The following ROR2 variants were observed in gnomAD, a reference collection of about 807,000 sequenced individuals.
ROR2 encodes ROR family WNT receptor 2.
Under a neutral mutation model 74.9 loss-of-function variants are expected in ROR2, and 33 were observed. The ratio of observed to expected loss-of-function variants is 0.44; its 90% CI spans 0.33 to 0.59. The LOEUF (loss-of-function observed/expected upper bound fraction) is 0.59, where lower values mean the gene tolerates loss of function less well. ROR2 is among the 20% of genes least tolerant of loss of function. The probability of loss-of-function intolerance (pLI) is 0.02; values close to 1 mark genes in which losing one functional copy is unlikely to be tolerated. For missense variants in ROR2, 1,216 were observed against 1,313.8 expected (o/e 0.93, Z 1.15); for synonymous variants, 586 against 558.7 (o/e 1.05, Z -0.69).
At chr9:91,878,815 C>T (rs1462571090) in intron 1 of ROR2, among the ~76,000 whole-genome samples, 2 of 152,334 alleles carry the variant, frequency 1.3e-5, no homozygotes, top group East Asian at 3.9e-4. Context: ...CAGTGGCTCA[C>T]GCCTGTAATC....
chr9:91,726,955 C>T (rs1012504184), intron 7 of ROR2, among the ~76,000 whole-genome samples: 1 of 152,130 alleles, frequency 6.6e-6, no homozygotes, highest in Non-Finnish European at 1.5e-5. Flanking sequence ...GAAACAAAAC[C>T]CAAAACTGCC....
intron 1 of ROR2, among the ~76,000 whole-genome samples, chr9:91,799,747 T>C (rs1827311285): frequency 1.3e-5 from 2 of 152,184 alleles, no homozygotes; most frequent in Non-Finnish European, 2.9e-5. Context: ...TTTTTCTCCA[T>C]CTCTCCCCTT....
chr9:91,804,289 C>CAAAT (rs1275343427), intron 1 of ROR2, among the ~76,000 whole-genome samples: 1 of 152,178 alleles, frequency 6.6e-6, no homozygotes, highest in Non-Finnish European at 1.5e-5. Flanking sequence ...CTCCTGTGTT[C>CAAAT]CAGCAACCCT....
rs1331743009 is a variant in ROR2, at chr9:91,725,072, C to T, written c.1422G>A (p.Arg474=). 6.2e-7 allele frequency: 1 copy of T among 1,613,960 alleles called. No homozygotes were observed. The highest frequency in any genetic ancestry group is 1.3e-5 in the African/African-American group (1 of 74,944). The part of the protein sequence containing the change: ...KLKEISLSAV[R]FMEELGEDRF... ...GGTCCTCTCCCAGCTCCTCCATGAACCTCACCGCAGACAGGCTGATCTCTT... is the reference window on the plus strand; with the variant it reads ...GGTCCTCTCCCAGCTCCTCCATGAATCTCACCGCAGACAGGCTGATCTCTT... Residue 474 remains arginine, a synonymous_variant, in exon 9 of 9, where the codon AGG becomes AGA. Transcript: ENST00000375708.
intron 1 of ROR2, among the ~76,000 whole-genome samples, chr9:91,809,371 AG>A (rs1827671915): frequency 6.6e-6 from 1 of 152,258 alleles, no homozygotes; most frequent in African/African-American, 2.4e-5. Context: ...TGAACCCACC[AG>A]GAACAGTGGG....
At chr9:91,946,396 C>T (rs1194094052) in intron 1 of ROR2, among the ~76,000 whole-genome samples, 1 of 152,190 alleles carries the variant, frequency 6.6e-6, no homozygotes, top group Non-Finnish European at 1.5e-5. Flanking sequence ...CAAGGTAAAC[C>T]CAAAATTGGG....
At chr9:91,785,542 T>C (rs1372834338) in intron 1 of ROR2, among the ~76,000 whole-genome samples, 2 of 152,258 alleles carry the variant, frequency 1.3e-5, no homozygotes, top group African/African-American at 4.8e-5. Flanking sequence ...GAAAAATATC[T>C]GATGAGTAAA....
At chr9:91,745,468 G>T (rs1401811731) in intron 4 of ROR2, among the ~76,000 whole-genome samples, 2 of 107,362 alleles carry the variant, frequency 1.9e-5, no homozygotes, top group Non-Finnish European at 3.4e-5. Flanking sequence ...TTTGCTCGTT[G>T]CCTAGGCTGG....
chr9:91,725,601 T>TA (rs1292209127), intron 8 of ROR2, among the ~76,000 whole-genome samples: 2 of 152,192 alleles, frequency 1.3e-5, no homozygotes, highest in Non-Finnish European at 2.9e-5. Flanking sequence ...TTTTGTCACT[T>TA]ATAAGAGTCC....
intron 4 of ROR2, 84 bp downstream of exon 4, chr9:91,755,987 G>A: frequency 1.4e-6 from 2 of 1,455,364 alleles, no homozygotes; most frequent in Non-Finnish European, 9.7e-7. Flanking sequence ...AAAGACATGA[G>A]CTGGCAGGAT....
Position 91,733,558 on chromosome 9 carries a change from GC to G in ROR2, c.623-123del. On this transcript the variant is annotated intron_variant, in intron 5 of 8. Transcript: ENST00000375708. The surrounding 1 kb of genome is among the most constrained non-coding windows in gnomAD (Gnocchi z 5.7). Reference sequence around the variant, plus strand: ...ACTCAGCCCCCTGATGCCCCGCCCCGCCCCAGACTCCCCAACCCCGAGCCCC... The same window carrying G: ...ACTCAGCCCCCTGATGCCCCGCCCCGCCCAGACTCCCCAACCCCGAGCCCC... 1 of 955,726 alleles carries G rather than the reference GC, an allele frequency of 1.0e-6. No homozygotes were observed. The highest frequency in any genetic ancestry group is 1.6e-5 in the South Asian group (1 of 61,558). The allele number at this position is 955,726 out of a possible 1,614,324, so 59.2% of individuals were successfully genotyped here. A position where few individuals can be genotyped will look rare whatever the true frequency, so the allele number is the denominator to read the frequency against.
At chr9:91,922,506 T>C (rs1236539686) in intron 1 of ROR2, among the ~76,000 whole-genome samples, 1 of 151,864 alleles carries the variant, frequency 6.6e-6, no homozygotes, top group Non-Finnish European at 1.5e-5. Flanking sequence ...CAGGCTGGAG[T>C]GCAGTGGCAT....
intron 1 of ROR2, among the ~76,000 whole-genome samples, chr9:91,859,666 G>T (rs999207993): frequency 6.6e-6 from 1 of 152,072 alleles, no homozygotes. Context: ...CTACTGAAAA[G>T]ACGAAAAAAT....
At position 91,765,708 on chromosome 9, in the gene ROR2, G is replaced by A. The variant is rs2118888608; in HGVS notation, c.176-8149C>T. ...CTCATCCCTCTTCTCCAGGACTGCAGCTCGCAGGTCTCCTAGCTTCACAGG... is the reference window on the plus strand; with the variant it reads ...CTCATCCCTCTTCTCCAGGACTGCAACTCGCAGGTCTCCTAGCTTCACAGG... On this transcript the variant is annotated intron_variant, in intron 2 of 8. Transcript: ENST00000375708. Among the ~76,000 whole-genome samples the A allele has an allele frequency of 2.6e-5, 4 of 152,318 alleles. 1 individual carries two copies. Among genetic ancestry groups the A allele is most frequent in the African/African-American group, 9.6e-5 (4 of 41,592 alleles).
In ROR2 at chr9:91,905,157, A is replaced by C. The variant is rs1366873533; in HGVS notation, c.97+44710T>G. ...CCCCCCACACAAATATCACACATGCAAGACACACCACACAACACATACCAT... is the reference window on the plus strand; with the variant it reads ...CCCCCCACACAAATATCACACATGCCAGACACACCACACAACACATACCAT... On this transcript the variant is annotated intron_variant, in intron 1 of 8. Transcript: ENST00000375708. The surrounding 1 kb of genome is among the most constrained non-coding windows in gnomAD (Gnocchi z 5.3). Among the ~76,000 whole-genome samples, 1 of 139,660 alleles carries C rather than the reference A, an allele frequency of 7.2e-6. No homozygotes were observed. Among genetic ancestry groups the C allele is most frequent in the Non-Finnish European group, 1.6e-5 (1 of 64,188 alleles). 91.6% of individuals were successfully genotyped at this position (139,660 alleles called of 152,430 possible). A position where few individuals can be genotyped will look rare whatever the true frequency, so the allele number is the denominator to read the frequency against.
At chr9:91,805,350 C>T (rs867186441) in intron 1 of ROR2, among the ~76,000 whole-genome samples, 2 of 152,350 alleles carry the variant, frequency 1.3e-5, no homozygotes, top group African/African-American at 4.8e-5. Context: ...GGCCCAGGTA[C>T]ACAGGTGAGG....
At chr9:91,939,351 T>C (rs1174571668) in intron 1 of ROR2, among the ~76,000 whole-genome samples, 1 of 152,252 alleles carries the variant, frequency 6.6e-6, no homozygotes, top group African/African-American at 2.4e-5. Context: ...GCATCATGGT[T>C]TTCGTGCTCC....
intron 2 of ROR2, among the ~76,000 whole-genome samples, chr9:91,759,831 C>G (rs188187604): frequency 6.6e-6 from 1 of 152,292 alleles, no homozygotes; most frequent in African/African-American, 2.4e-5. Flanking sequence ...CACGTTCCAG[C>G]CAGGCCTTGA....
At chr9:91,912,682 C>A (rs1449997315) in intron 1 of ROR2, among the ~76,000 whole-genome samples, 2 of 152,130 alleles carry the variant, frequency 1.3e-5, no homozygotes, top group Middle Eastern at 3.2e-3. Flanking sequence ...CAGGAAAAAT[C>A]TGGAATATTT....
Sources: gnomAD v4.1 joint callset for allele counts (sites outside exome capture counted in the v4.1 genomes callset) on GRCh38, gnomAD v4.1.1 for gene constraint, Gnocchi (gnomAD v3.1) non-coding constraint, MANE v1.5 for transcripts, NCBI Gene and HGNC (gene_info 2026-07-23, HGNC 2026-07-21) for gene names.